The following GRIN2B variants were observed in gnomAD, a reference collection of about 807,000 sequenced individuals.
GRIN2B encodes the protein glutamate ionotropic receptor NMDA type subunit 2B.
A neutral mutation model predicts 114.5 loss-of-function variants in GRIN2B; 5 were observed. The observed-to-expected ratio is 0.04, with a 90% confidence interval of 0.02 to 0.09. The LOEUF is 0.09. GRIN2B is among the 10% of genes least tolerant of loss of function. The pLI is 1.00. For synonymous variants in GRIN2B, 787 were observed against 745.1 expected, an observed-to-expected ratio of 1.06 and a Z score of -0.92; for missense variants, 1,108 against 1,943.5, an observed-to-expected ratio of 0.57 and a Z score of 8.08.
Position 13,866,146 on chromosome 12 carries a change from C to G in GRIN2B, c.63G>C (p.Val21=), listed in dbSNP as rs199858106. 1 of 1,613,400 alleles carries G rather than the reference C, an allele frequency of 6.2e-7. No homozygotes were observed. The highest frequency in any genetic ancestry group is 2.2e-5 in the East Asian group (1 of 44,844). The part of the protein sequence containing the change: ...KFWLVLAVLA[V]SGSRARSQKS... ...TCTGAGAACGAGCTCTGCTGCCTGA[C>G]ACGGCCAGGACGGCCAACACCAACC... The change falls in exon 3 of 14, where the codon GTG becomes GTC. Residue 21 remains valine (V), a synonymous_variant. Transcript: ENST00000609686.
At position 13,564,426 on chromosome 12, in the gene GRIN2B, G is replaced by A. The variant is rs1477799075; in HGVS notation, c.2812C>T (p.Arg938Cys). The A allele has an allele frequency of 5.0e-6, 8 of 1,614,232 alleles. No individual in the cohort carries two copies. Among genetic ancestry groups the A allele is most frequent in the Non-Finnish European group, 6.8e-6 (8 of 1,180,044 alleles). The change falls in exon 14 of 14, where the codon CGC (arginine) becomes TGC (cysteine). Residue 938 changes from arginine (R) to cysteine (C), a missense_variant. Transcript: ENST00000609686. This position sits in a 1 kb window ranked among gnomAD's most constrained non-coding sequence, Gnocchi z 4.8. ...ESSVYDISEH[R>C]RSFTHSDCKS... Reference sequence around the variant, plus strand: ...CAGTCAGAATGCGTGAAGCTGCGGCGGTGCTCTGAGATGTCATAGACGGAT... The same window carrying A: ...CAGTCAGAATGCGTGAAGCTGCGGCAGTGCTCTGAGATGTCATAGACGGAT...
chr12:13,693,045 G>A (rs1436438628), intron 4 of GRIN2B, among the ~76,000 whole-genome samples: 1 of 151,992 alleles, frequency 6.6e-6, no homozygotes, highest in Non-Finnish European at 1.5e-5. Flanking sequence ...TAGGATTACA[G>A]GCGTGAGCCA....
intron 4 of GRIN2B, among the ~76,000 whole-genome samples, chr12:13,698,262 C>A (rs1031014202): frequency 5.9e-5 from 9 of 152,216 alleles, no homozygotes; most frequent in African/African-American, 1.9e-4. Flanking sequence ...CATTTAGGAA[C>A]GTCTCCAAAT....
At chr12:13,800,666 G>A (rs914538177) in intron 3 of GRIN2B, among the ~76,000 whole-genome samples, 1 of 152,154 alleles carries the variant, frequency 6.6e-6, no homozygotes, top group Non-Finnish European at 1.5e-5. Context: ...TCAGCATACT[G>A]TTACAGTGAA....
At chr12:13,675,630 T>G in intron 5 of GRIN2B, 115 bp downstream of exon 5, 1 of 750,874 alleles carries the variant, frequency 1.3e-6, no homozygotes, top group South Asian at 1.4e-5. Flanking sequence ...AAGGTATTGA[T>G]CCCTTGCTCC....
At chr12:13,658,652 A>G (rs1359866647) in intron 5 of GRIN2B, among the ~76,000 whole-genome samples, 2 of 151,960 alleles carry the variant, frequency 1.3e-5, no homozygotes. Context: ...GGGTAAAAAT[A>G]TTTGTGTCCA....
intron 2 of GRIN2B, among the ~76,000 whole-genome samples, chr12:13,879,795 G>T (rs914638980): frequency 2.0e-5 from 3 of 152,218 alleles, no homozygotes; most frequent in Non-Finnish European, 4.4e-5. Flanking sequence ...TCCCTGACAT[G>T]CCGGACACAG....
At chr12:13,609,818 T>C (rs1000059630) in intron 9 of GRIN2B, among the ~76,000 whole-genome samples, 6 of 151,410 alleles carry the variant, frequency 4.0e-5, no homozygotes, top group Non-Finnish European at 7.4e-5. Flanking sequence ...GGGGAAGTCA[T>C]AGAATCCTGG....
At chr12:13,725,623 A>C (rs897563001) in intron 4 of GRIN2B, among the ~76,000 whole-genome samples, 1 of 152,158 alleles carries the variant, frequency 6.6e-6, no homozygotes, top group Non-Finnish European at 1.5e-5. Flanking sequence ...CTGCCTTCTT[A>C]TAGCTTGTAT....
At chr12:13,930,601 G>A (rs757905715) in intron 2 of GRIN2B, among the ~76,000 whole-genome samples, 1 of 152,172 alleles carries the variant, frequency 6.6e-6, no homozygotes, top group South Asian at 2.1e-4. Flanking sequence ...TTGAATTAAT[G>A]TATCGGTAAT....
intron 3 of GRIN2B, among the ~76,000 whole-genome samples, chr12:13,804,395 A>G (rs1339842311): frequency 6.6e-6 from 1 of 152,096 alleles, no homozygotes; most frequent in African/African-American, 2.4e-5. Flanking sequence ...TAGGTTCTCC[A>G]CAATCATTTA....
At chr12:13,857,949 G>A (rs1427178510) in intron 3 of GRIN2B, among the ~76,000 whole-genome samples, 2 of 152,038 alleles carry the variant, frequency 1.3e-5, no homozygotes, top group East Asian at 1.9e-4. Context: ...AATGCCAGGC[G>A]AACCCCAGAT....
intron 4 of GRIN2B, among the ~76,000 whole-genome samples, chr12:13,693,752 T>A (rs1950234277): frequency 6.6e-6 from 1 of 152,190 alleles, no homozygotes; most frequent in African/African-American, 2.4e-5. Flanking sequence ...CTCCTTCCCC[T>A]TCTCCGGTGA....
chr12:13,873,402 G>A (rs1865943290), intron 2 of GRIN2B, among the ~76,000 whole-genome samples: 1 of 152,092 alleles, frequency 6.6e-6, no homozygotes, highest in South Asian at 2.1e-4. Context: ...TATATATTCA[G>A]GGCATTTAAA....
chr12:13,660,180 T>A lies in GRIN2B; in HGVS notation c.1125+15565A>T, dbSNP rs540067685. The stretch of plus-strand genomic sequence containing the variant: ...CTGACATCTCATCACTTCACTATTC[T>A]CTTCCAAATAATCAAGTTGCTAAAT... On this transcript the variant is annotated intron_variant, in intron 5 of 13. Coordinates refer to ENST00000609686, the MANE Select transcript of GRIN2B (RefSeq NM_000834.5). Among the ~76,000 whole-genome samples, 269 of 152,266 alleles carry A rather than the reference T, an allele frequency of 1.8e-3. 4 individuals are homozygous for A. Among genetic ancestry groups the A allele is most frequent in the Non-Finnish European group, 6.8e-4 (46 of 68,022 alleles).
intron 3 of GRIN2B, among the ~76,000 whole-genome samples, chr12:13,780,381 G>A (rs1001007170): frequency 3.9e-5 from 6 of 152,188 alleles, no homozygotes; most frequent in African/African-American, 4.8e-5. Flanking sequence ...AGAGAAACAC[G>A]TTCATTATAA....
chr12:13,660,532 C>T (rs1422106249), intron 5 of GRIN2B, among the ~76,000 whole-genome samples: 1 of 152,142 alleles, frequency 6.6e-6, no homozygotes, highest in African/African-American at 2.4e-5. Context: ...TTCTCGTGGA[C>T]TTTGAGAATC....
intron 2 of GRIN2B, among the ~76,000 whole-genome samples, chr12:13,965,245 TAAGG>T (rs1400546124): frequency 2.6e-4 from 39 of 152,342 alleles, no homozygotes; most frequent in African/African-American, 8.9e-4. Context: ...CTGGTCTCTT[TAAGG>T]TAACTGAAAG....
intron 4 of GRIN2B, among the ~76,000 whole-genome samples, chr12:13,752,302 T>A (rs775951327): frequency 5.9e-5 from 9 of 152,222 alleles, no homozygotes; most frequent in Non-Finnish European, 1.0e-4. Context: ...TCCAACACAT[T>A]GTTGAATGAA....
Sources: allele counts gnomAD v4.1 joint callset (sites outside exome capture counted in the v4.1 genomes callset), GRCh38; gene constraint gnomAD v4.1.1; non-coding constraint Gnocchi (gnomAD v3.1); transcripts MANE v1.5; gene names NCBI Gene and HGNC (gene_info 2026-07-23, HGNC 2026-07-21).